Variants in RSL24D1 observed in about 807,000 individuals in gnomAD.
RSL24D1 encodes probable ribosome biogenesis protein RLP24.
RSL24D1 carries 6 observed loss-of-function variants against 26.2 expected under a neutral mutation model. The observed-to-expected ratio is 0.23, with a 90% CI of 0.13 to 0.45. The LOEUF (loss-of-function observed/expected upper bound fraction) is 0.45, where lower values mean the gene tolerates loss of function less well. Among genes scored for constraint, RSL24D1 ranks in the 20% least tolerant of loss-of-function variants. The probability of loss-of-function intolerance (pLI) is 0.99; values close to 1 mark genes in which losing one functional copy is unlikely to be tolerated. For missense variants in RSL24D1, 176 were observed against 202.6 expected, an observed-to-expected ratio of 0.87 and a Z score of 0.80; for synonymous variants, 61 against 59.1, an observed-to-expected ratio of 1.03 and a Z score of -0.15.
chr15:55,196,664 G>A (rs1407982798), intron 1 of RSL24D1, 146 bp downstream of exon 1: 5 of 694,068 alleles, frequency 7.2e-6, no homozygotes, highest in East Asian at 5.4e-5. Flanking sequence ...GTTGAGAACG[G>A]AGGCCCAGTT....
intron 1 of RSL24D1, among the ~76,000 whole-genome samples, chr15:55,195,004 T>C (rs772535536): frequency 7.3e-5 from 8 of 110,298 alleles, no homozygotes; most frequent in South Asian, 2.7e-4. Context: ...GCCTGGGCAA[T>C]AGACAGTGAG....
At chr15:55,186,947 A>C (rs1196100328) in intron 3 of RSL24D1, among the ~76,000 whole-genome samples, 2 of 152,228 alleles carry the variant, frequency 1.3e-5, no homozygotes, top group Admixed American at 1.3e-4. Flanking sequence ...ACAAAATGTT[A>C]ACATTCAGGG....
rs1427739185 is a variant in RSL24D1, at chr15:55,191,067, A to G, written c.196-20T>C. On this transcript the variant is annotated intron_variant, in intron 2 of 5. Transcript: ENST00000260443. Reference sequence around the variant, plus strand: ...ATTATCCTGTAAGAGGGAACAGAGGAGATAAAAATAAGGTTTTAAGAAAGG... The same window carrying G: ...ATTATCCTGTAAGAGGGAACAGAGGGGATAAAAATAAGGTTTTAAGAAAGG... 5 of 1,523,316 alleles carry G rather than the reference A, an allele frequency of 3.3e-6. No homozygotes were observed. Among genetic ancestry groups the G allele is most frequent in the Non-Finnish European group, 4.5e-6 (5 of 1,122,320 alleles). The allele number at this position is 1,523,316 out of a possible 1,614,324, so 94.4% of individuals were successfully genotyped here.
chr15:55,196,782 A>G (rs1894364043), intron 1 of RSL24D1, 28 bp downstream of exon 1: 1 of 1,611,512 alleles, frequency 6.2e-7, no homozygotes, highest in African/African-American at 1.3e-5. Flanking sequence ...AGCTAGGCTG[A>G]AGCAAGAACT....
rs1894299071 is a variant in RSL24D1, at chr15:55,191,622, C to T, written c.196-575G>A. On this transcript the variant is annotated intron_variant, in intron 2 of 5. Transcript: ENST00000260443. ...GCCCTACATTTCTTCAGATCCCCTC[C>T]AAACACGGTTACCGTTGCTAGTGGC... 3.3e-5 allele frequency among the ~76,000 whole-genome samples: 5 copies of T among 152,330 alleles called. No homozygotes were observed. In the South Asian group the frequency reaches 1.0e-3, roughly 32 times the overall value.
At chr15:55,195,806 A>G (rs993394143) in intron 1 of RSL24D1, among the ~76,000 whole-genome samples, 2 of 152,176 alleles carry the variant, frequency 1.3e-5, no homozygotes, top group African/African-American at 4.8e-5. Flanking sequence ...CTAATTAATG[A>G]GGTCAATATC....
chr15:55,196,907 AC>A lies in RSL24D1; in HGVS notation c.-18del, dbSNP rs1566888371. On this transcript the variant is annotated 5_prime_UTR_variant, in exon 1 of 6. Coordinates refer to ENST00000260443, the MANE Select transcript of RSL24D1 (RefSeq NM_016304.3). ...GATACGCATGTTGAACCCGCGTGTA[AC>A]CCCACCAAACAAACGCCAAGCTTGA... 5 of 1,612,352 alleles carry A rather than the reference AC, an allele frequency of 3.1e-6. No homozygotes were observed. Among genetic ancestry groups the A allele is most frequent in the Non-Finnish European group, 4.2e-6 (5 of 1,178,560 alleles).
At chr15:55,196,206 T>C (rs1894353811) in intron 1 of RSL24D1, 1 of 405,152 alleles carries the variant, frequency 2.5e-6, no homozygotes, top group Admixed American at 2.8e-5. Context: ...CAAACAAATG[T>C]ATTTGCTCCG....
At chr15:55,183,560 C>A (rs532976415) in intron 4 of RSL24D1, among the ~76,000 whole-genome samples, 160 bp from the exon 5 acceptor site, 101 of 152,188 alleles carry the variant, frequency 6.6e-4, no homozygotes, top group African/African-American at 2.4e-3. Flanking sequence ...CTTTCTTCTC[C>A]CCACAACGCC....
chr15:55,184,231 T>C (rs370918410), intron 4 of RSL24D1, among the ~76,000 whole-genome samples: 8 of 152,144 alleles, frequency 5.3e-5, no homozygotes, highest in African/African-American at 1.4e-4. Flanking sequence ...AACATCTTGT[T>C]AGCTATAAAA....
Position 55,181,628 on chromosome 15 carries a change from G to C in RSL24D1, c.*524C>G, listed in dbSNP as rs569725691. The C allele has an allele frequency of 6.5e-6, 1 of 154,086 alleles. No homozygotes were observed. Among genetic ancestry groups the C allele is most frequent in the Non-Finnish European group, 1.4e-5 (1 of 69,302 alleles). 9.5% of individuals were successfully genotyped at this position (154,086 alleles called of 1,614,324 possible). On this transcript the variant is annotated 3_prime_UTR_variant, in exon 6 of 6. Transcript: ENST00000260443. The stretch of plus-strand genomic sequence containing the variant: ...AGAAGGGTTAAACCAGGTCAAAACA[G>C]TCCAGCATAATTAGGCTTCATCAAA...
intron 1 of RSL24D1, among the ~76,000 whole-genome samples, chr15:55,193,409 G>A (rs574836033): frequency 4.7e-4 from 72 of 152,236 alleles, no homozygotes; most frequent in African/African-American, 1.7e-3. Context: ...GCTTCAACAT[G>A]TCCCTGAAAT....
intron 4 of RSL24D1, among the ~76,000 whole-genome samples, chr15:55,183,674 C>T (rs1894194179): frequency 6.6e-6 from 1 of 152,144 alleles, no homozygotes; most frequent in African/African-American, 2.4e-5. Context: ...GAGATATATA[C>T]CTTACATTTA....
chr15:55,194,615 T>G (rs1462242740), intron 1 of RSL24D1, among the ~76,000 whole-genome samples: 1 of 152,154 alleles, frequency 6.6e-6, no homozygotes, highest in Non-Finnish European at 1.5e-5. Context: ...AAGCCCTCAT[T>G]AAGAATGTAT....
At chr15:55,188,626 G>A (rs921785502) in intron 3 of RSL24D1, among the ~76,000 whole-genome samples, 4 of 152,166 alleles carry the variant, frequency 2.6e-5, no homozygotes, top group Non-Finnish European at 5.9e-5. Flanking sequence ...GAACTGTAGA[G>A]AACACTACCA....
intron 3 of RSL24D1, among the ~76,000 whole-genome samples, chr15:55,185,878 G>C (rs1894219192): frequency 6.6e-6 from 1 of 152,106 alleles, no homozygotes; most frequent in Admixed American, 6.5e-5. Context: ...ATACTACTAA[G>C]TTCTCAACCA....
rs769416449 is a variant in RSL24D1 at position 55,192,852 on chromosome 15, T to C, written c.82-19A>G. ...TGAACACCTACAAGAAAAGTTAAAATATTGAGAAGTCAACATTAAAAACTT... is the reference window on the plus strand; with the variant it reads ...TGAACACCTACAAGAAAAGTTAAAACATTGAGAAGTCAACATTAAAAACTT... On this transcript the variant is annotated intron_variant, in intron 1 of 5. Transcript: ENST00000260443. 4.6e-6 allele frequency: 7 copies of C among 1,537,524 alleles called. No individual in the cohort carries two copies. Among genetic ancestry groups the C allele is most frequent in the Non-Finnish European group, 6.3e-6 (7 of 1,112,740 alleles).
intron 3 of RSL24D1, among the ~76,000 whole-genome samples, chr15:55,187,549 G>A (rs543975730): frequency 1.3e-4 from 20 of 152,260 alleles, no homozygotes; most frequent in African/African-American, 4.6e-4. Context: ...ATACATGATG[G>A]AATAGTTCTC....
chr15:55,184,214 A>C (rs993139443), intron 4 of RSL24D1, among the ~76,000 whole-genome samples: 61 of 152,204 alleles, frequency 4.0e-4, no homozygotes, highest in African/African-American at 1.4e-3. Context: ...CAAGCTGGGG[A>C]AGAGGAAACA....
Sources: allele counts gnomAD v4.1 joint callset (sites outside exome capture counted in the v4.1 genomes callset), GRCh38; gene constraint gnomAD v4.1.1; transcripts MANE v1.5; gene names NCBI Gene and HGNC (gene_info 2026-07-23, HGNC 2026-07-21).